The following PLEKHA1 variants were observed in gnomAD, a reference collection of about 807,000 sequenced individuals.
PLEKHA1 encodes the protein pleckstrin homology domain containing A1.
In PLEKHA1, 34 loss-of-function variants were observed where a neutral mutation model predicts 52.0. The observed-to-expected ratio is 0.65, with a 90% CI of 0.50 to 0.87. The LOEUF is 0.87. PLEKHA1 is among the 40% of genes least tolerant of loss of function. The pLI is 0.00. For synonymous variants in PLEKHA1, 163 were observed against 170.7 expected, an observed-to-expected ratio of 0.95 and a Z score of 0.35; for missense variants, 497 against 504.2, an observed-to-expected ratio of 0.99 and a Z score of 0.14.
At chr10:122,426,623 TGTAGC>T (rs2133607068) in intron 10 of PLEKHA1, among the ~76,000 whole-genome samples, 1 of 152,310 alleles carries the variant, frequency 6.6e-6, no homozygotes, top group African/African-American at 2.4e-5. Flanking sequence ...ATTCAGACAG[TGTAGC>T]AGTAGGTAGA....
chr10:122,424,278 T>G lies in PLEKHA1; in HGVS notation c.746+15T>G. ...TGTAAGCAAAGGTAAGGAACCGCTC[T>G]GACTTGATGCCTGGCACAAGTTATA... On this transcript the variant is annotated intron_variant, in intron 9 of 11. Coordinates refer to ENST00000368990, the MANE Select transcript of PLEKHA1 (RefSeq NM_001001974.4). 1 of 1,588,098 alleles carries G rather than the reference T, an allele frequency of 6.3e-7. No individual in the cohort carries two copies. The highest frequency in any genetic ancestry group is 8.5e-7 in the Non-Finnish European group (1 of 1,173,208).
chr10:122,391,476 A>T (rs948841278), intron 1 of PLEKHA1, among the ~76,000 whole-genome samples: 7 of 152,202 alleles, frequency 4.6e-5, no homozygotes, highest in Admixed American at 2.0e-4. Flanking sequence ...GCTTCATTCT[A>T]TGTGGATATC....
chr10:122,394,483 C>G (rs1228211784), intron 2 of PLEKHA1, among the ~76,000 whole-genome samples: 2 of 151,986 alleles, frequency 1.3e-5, no homozygotes, highest in Admixed American at 1.3e-4. Flanking sequence ...TAGCAGACTT[C>G]TAAGCTGATT....
chr10:122,375,091 C>T (rs2096505010), intron 1 of PLEKHA1: 1 of 151,760 alleles, frequency 6.6e-6, no homozygotes, highest in African/African-American at 2.4e-5. Flanking sequence ...TCCCGTGGGT[C>T]CCCGATTGTT....
At chr10:122,420,742 A>G (rs945087708) in intron 8 of PLEKHA1, 14 of 152,098 alleles carry the variant, frequency 9.2e-5, no homozygotes, top group African/African-American at 3.1e-4. Flanking sequence ...TCAGACTCTA[A>G]TTTATTAGGT....
At chr10:122,377,743 ACTGT>A (rs2096557869) in intron 1 of PLEKHA1, among the ~76,000 whole-genome samples, 1 of 152,178 alleles carries the variant, frequency 6.6e-6, no homozygotes, top group Non-Finnish European at 1.5e-5. Flanking sequence ...TCTTGTGGGT[ACTGT>A]CTAATAAGGG....
chr10:122,416,060 C>CA, intron 7 of PLEKHA1, 58 bp downstream of exon 7: 2 of 1,493,922 alleles, frequency 1.3e-6, no homozygotes, highest in South Asian at 2.7e-5. Context: ...CTAGCAAACT[C>CA]AAATTAACAT....
At chr10:122,379,439 GTCAC>G (rs1257303297) in intron 1 of PLEKHA1, among the ~76,000 whole-genome samples, 4 of 152,202 alleles carry the variant, frequency 2.6e-5, no homozygotes, top group African/African-American at 9.6e-5. Flanking sequence ...CATGGGGTCA[GTCAC>G]TCAGTCTGCT....
intron 5 of PLEKHA1, 139 bp downstream of exon 5, chr10:122,406,812 G>A: frequency 1.5e-6 from 1 of 658,740 alleles, no homozygotes; most frequent in South Asian, 1.9e-5. Flanking sequence ...TGTTCAGAAT[G>A]TGAATATGTT....
chr10:122,415,969 C>G lies in PLEKHA1; in HGVS notation c.579C>G (p.Ile193Met). 3 of 1,613,204 alleles carry G rather than the reference C, an allele frequency of 1.9e-6. No homozygotes were observed. Among genetic ancestry groups the G allele is most frequent in the Non-Finnish European group, 2.5e-6 (3 of 1,179,558 alleles). Reference sequence around the variant, plus strand: ...AACCACCTCAAGATAGTGCGGTTATCAAAGCTGGATATTGTGTAAAACAAG... The same window carrying G: ...AACCACCTCAAGATAGTGCGGTTATGAAAGCTGGATATTGTGTAAAACAAG... ...TPKPPQDSAV[I>M]KAGYCVKQGA... The change falls in exon 7 of 12, where the codon ATC (isoleucine) becomes ATG (methionine). Residue 193 changes from isoleucine (I) to methionine (M), a missense_variant. Physicochemically the swap from Ile to Met is conservative, Grantham distance 10 (BLOSUM62 1). Coordinates refer to ENST00000368990, the MANE Select transcript of PLEKHA1 (RefSeq NM_001001974.4).
chr10:122,395,781 G>A (rs2134091439), intron 2 of PLEKHA1, among the ~76,000 whole-genome samples: 1 of 152,132 alleles, frequency 6.6e-6, no homozygotes, highest in South Asian at 2.1e-4. Context: ...TCTTTCTAGT[G>A]TTTATTAGGG....
chr10:122,398,932 A>C (rs967871662), intron 3 of PLEKHA1, among the ~76,000 whole-genome samples: 1 of 152,236 alleles, frequency 6.6e-6, no homozygotes, highest in Non-Finnish European at 1.5e-5. Context: ...TTCTGTTAAG[A>C]TCATACTATG....
At chr10:122,415,529 G>A (rs1241406599) in intron 6 of PLEKHA1, among the ~76,000 whole-genome samples, 1 of 152,234 alleles carries the variant, frequency 6.6e-6, no homozygotes, top group African/African-American at 2.4e-5. Flanking sequence ...CCTTTGAGGG[G>A]AAACTAGTGA....
chr10:122,413,675 AAT>A (rs1466090553), intron 6 of PLEKHA1, among the ~76,000 whole-genome samples: 1 of 152,142 alleles, frequency 6.6e-6, no homozygotes, highest in Non-Finnish European at 1.5e-5. Flanking sequence ...TTTTAGGAAA[AAT>A]ATAAATTTAC....
intron 2 of PLEKHA1, among the ~76,000 whole-genome samples, chr10:122,394,560 A>C (rs2134055074): frequency 6.6e-6 from 1 of 152,272 alleles, no homozygotes; most frequent in Non-Finnish European, 1.5e-5. Flanking sequence ...GACTTATACA[A>C]GGTTCTGTTC....
At chr10:122,423,900 G>A (rs973879828) in intron 8 of PLEKHA1, 5 of 322,930 alleles carry the variant, frequency 1.5e-5, no homozygotes, top group South Asian at 6.8e-5. Flanking sequence ...ACGTGGGTCC[G>A]TCGGGGAAAG....
At chr10:122,403,881 AG>A (rs1590607856) in intron 4 of PLEKHA1, among the ~76,000 whole-genome samples, 1 of 152,054 alleles carries the variant, frequency 6.6e-6, no homozygotes, top group East Asian at 1.9e-4. Flanking sequence ...GAGTAGAGAC[AG>A]GGTTTCACCA....
At position 122,393,293 on chromosome 10, in the gene PLEKHA1, A is replaced by G. The variant is rs1215406803; in HGVS notation, c.93A>G (p.Ile31Met). 6.2e-7 allele frequency: 1 copy of G among 1,612,956 alleles called. No homozygotes were observed. Among genetic ancestry groups the G allele is most frequent in the African/African-American group, 1.3e-5 (1 of 74,906 alleles). Residue 31 changes from isoleucine to methionine, a missense_variant, in exon 2 of 12, where the codon ATA becomes ATG. By Grantham distance (10) the Ile-to-Met change is conservative (BLOSUM62 1). Transcript: ENST00000368990. This position sits in a 1 kb window ranked among gnomAD's most constrained non-coding sequence, Gnocchi z 4.5. ...GGAAATTTCTTCGAAGGTACTTCAT[A>G]CTGGATACCAGAGAAGATAGTTTCG... ...NSGKFLRRYF[I>M]LDTREDSFVW...
intron 6 of PLEKHA1, 95 bp from the exon 7 acceptor site, chr10:122,415,764 C>A: frequency 8.4e-7 from 1 of 1,186,812 alleles, no homozygotes; most frequent in Non-Finnish European, 1.2e-6. Flanking sequence ...TCTGACTAAT[C>A]TAAGGTGGAT....
Sources: allele counts gnomAD v4.1 joint callset (sites outside exome capture counted in the v4.1 genomes callset), GRCh38; gene constraint gnomAD v4.1.1; non-coding constraint Gnocchi (gnomAD v3.1); transcripts MANE v1.5; gene names NCBI Gene and HGNC (gene_info 2026-07-23, HGNC 2026-07-21).